ERI1: variants seen among roughly 807,000 people sequenced by gnomAD.
ERI1 encodes the protein 3'-5' exoribonuclease 1.
Under a neutral mutation model 39.7 loss-of-function variants are expected in ERI1, and 39 were observed. That is an observed-to-expected ratio of 0.98 (90% CI 0.76 to 1.28). ERI1 has a LOEUF of 1.28. Among genes scored for constraint, ERI1 ranks in the 50% most tolerant of loss-of-function variants. The pLI, the probability that ERI1 is intolerant of heterozygous loss-of-function variation, is 0.00. For synonymous variants in ERI1, 204 were observed against 149.6 expected, an observed-to-expected ratio of 1.36 and a Z score of -2.65; for missense variants, 581 against 416.9, an observed-to-expected ratio of 1.39 and a Z score of -3.43.
chr8:9,022,025 C>G (rs1317456496), intron 6 of ERI1, among the ~76,000 whole-genome samples: 1 of 151,734 alleles, frequency 6.6e-6, no homozygotes, highest in African/African-American at 2.4e-5. Context: ...AGTGCAGTTG[C>G]TGGGTCATGG....
intron 3 of ERI1, among the ~76,000 whole-genome samples, chr8:9,092,070 C>T (rs746730785): frequency 5.9e-5 from 9 of 152,164 alleles, no homozygotes; most frequent in Non-Finnish European, 1.2e-4. Flanking sequence ...GATCCTCCTA[C>T]CTCAGCCTCC....
Position 9,080,389 on chromosome 8 carries a change from G to A in ERI1, n.300-35959G>A, listed in dbSNP as rs189249707. ...GTCCTGACAGGATGGCTTGTGATGA[G>A]TCTGCCCTCTGAGTGACAGTGACAT... On this transcript the variant is annotated intron_variant and non_coding_transcript_variant, in intron 3 of 3. Transcript: ENST00000518663. Among the ~76,000 whole-genome samples the A allele has an allele frequency of 7.9e-5, 12 of 152,326 alleles. No homozygotes were observed. The East Asian group carries it at 1.9e-3, about 24-fold the overall frequency.
intron 6 of ERI1, among the ~76,000 whole-genome samples, chr8:9,025,422 G>T (rs1470542748): frequency 2.0e-5 from 3 of 152,242 alleles, no homozygotes; most frequent in Non-Finnish European, 4.4e-5. Flanking sequence ...GCTGATTCAT[G>T]TGATGAAAAA....
At chr8:9,040,348 C>A (rs1017550672) in intron 3 of ERI1, among the ~76,000 whole-genome samples, 2 of 152,306 alleles carry the variant, frequency 1.3e-5, no homozygotes, top group South Asian at 4.1e-4. Context: ...TCACAAAGCC[C>A]TAAGGCCTTA....
At position 9,054,304 on chromosome 8, in the gene ERI1, G is replaced by A. The variant is rs559548417; in HGVS notation, n.299+33840G>A. ...AATACATCAGTTATGTACCCACTTCGTCCTATTCGGCTGCACTTTTTTGTA... is the reference window on the plus strand; with the variant it reads ...AATACATCAGTTATGTACCCACTTCATCCTATTCGGCTGCACTTTTTTGTA... On this transcript the variant is annotated intron_variant and non_coding_transcript_variant, in intron 3 of 3. Coordinates refer to the ERI1 transcript ENST00000518663. 9.9e-5 allele frequency among the ~76,000 whole-genome samples: 15 copies of A among 152,264 alleles called. No individual in the cohort carries two copies. In the South Asian group the frequency reaches 1.9e-3, roughly 19 times the overall value.
chr8:9,083,049 T>C (rs935867404), intron 3 of ERI1, among the ~76,000 whole-genome samples: 5 of 152,234 alleles, frequency 3.3e-5, no homozygotes, highest in African/African-American at 1.2e-4. Context: ...TAAAAAAATG[T>C]ATTTGCTATT....
At chr8:9,088,218 C>T (rs17703426) in intron 3 of ERI1, among the ~76,000 whole-genome samples, 16,463 of 151,492 alleles carry the variant, frequency 0.11, 1,192 homozygotes, top group Non-Finnish European at 0.15. Context: ...CTCTTCTCTG[C>T]ATTTAACACC....
chr8:9,083,849 A>G (rs1799442333), intron 3 of ERI1, among the ~76,000 whole-genome samples: 1 of 151,640 alleles, frequency 6.6e-6, no homozygotes, highest in Non-Finnish European at 1.5e-5. Context: ...GCTGGAGTGC[A>G]GTGGTGTGAT....
chr8:9,052,447 G>A (rs570970950), intron 3 of ERI1, among the ~76,000 whole-genome samples: 6 of 152,004 alleles, frequency 3.9e-5, no homozygotes, highest in Admixed American at 2.6e-4. Flanking sequence ...GGTTGAACTC[G>A]CCTAGAGCAC....
chr8:9,025,992 C>CT (rs1475966838), intron 6 of ERI1, among the ~76,000 whole-genome samples: 2 of 152,150 alleles, frequency 1.3e-5, no homozygotes, highest in African/African-American at 4.8e-5. Flanking sequence ...AGAACTGTCA[C>CT]TGTCTCAGCC....
intron 3 of ERI1, among the ~76,000 whole-genome samples, chr8:9,079,239 A>AG (rs1799300045): frequency 6.6e-6 from 1 of 152,130 alleles, no homozygotes; most frequent in Admixed American, 6.5e-5. Flanking sequence ...ATGGGGAGGA[A>AG]TAGCAGATGT....
intron 3 of ERI1, among the ~76,000 whole-genome samples, chr8:9,086,511 C>T (rs952281265): frequency 1.2e-4 from 18 of 152,172 alleles, no homozygotes; most frequent in South Asian, 4.1e-4. Context: ...GATCACGCCA[C>T]GTCACTCCAG....
intron 3 of ERI1, among the ~76,000 whole-genome samples, chr8:9,052,408 A>G (rs776553073): frequency 6.6e-5 from 10 of 152,278 alleles, no homozygotes; most frequent in Admixed American, 1.3e-4. Context: ...CTAGTTTGAG[A>G]ACAGTCACCT....
intron 3 of ERI1, among the ~76,000 whole-genome samples, chr8:9,099,561 A>G (rs1347838368): frequency 1.3e-5 from 2 of 150,758 alleles, no homozygotes; most frequent in Non-Finnish European, 3.0e-5. Context: ...TATCATTGCA[A>G]TCCAGCCTGG....
chr8:9,031,857 A>C lies in ERI1; in HGVS notation c.*1823A>C, dbSNP rs947608483. On this transcript the variant is annotated 3_prime_UTR_variant, in exon 7 of 7. Coordinates refer to ENST00000250263, the MANE Select transcript of ERI1 (RefSeq NM_153332.4). ...ACTGCAACCTCCGCCTCCTGGGCTC[A>C]GGTGATCCTCTTGCCTCAGCCTCCT... 1 of 152,276 alleles carries C rather than the reference A, an allele frequency of 6.6e-6. No individual in the cohort carries two copies. The highest frequency in any genetic ancestry group is 2.4e-5 in the African/African-American group (1 of 41,454). The allele number at this position is 152,276 out of a possible 1,614,324, so 9.4% of individuals were successfully genotyped here.
At chr8:9,010,352 C>G (rs1816532294) in intron 2 of ERI1, among the ~76,000 whole-genome samples, 2 of 152,140 alleles carry the variant, frequency 1.3e-5, no homozygotes, top group African/African-American at 4.8e-5. Context: ...TAATCCAAAG[C>G]TGTCACATGA....
At chr8:9,018,145 A>C (rs1039583123) in intron 4 of ERI1, 152 bp from the exon 5 acceptor site, 3 of 516,204 alleles carry the variant, frequency 5.8e-6, no homozygotes, top group African/African-American at 5.7e-5. Context: ...TAAAAATGAA[A>C]CTTTAGGTGG....
rs1430507951 is a variant in ERI1 at position 9,030,534 on chromosome 8, G to A, written c.*500G>A. ...TTTATATGTGAAGTTCACCATGTAT[G>A]TGGTGAATTTCGTAAGGTACTTGGT... On this transcript the variant is annotated 3_prime_UTR_variant, in exon 7 of 7. Transcript: ENST00000250263. The A allele has an allele frequency of 6.3e-6, 1 of 158,054 alleles. No homozygotes were observed. Among genetic ancestry groups the A allele is most frequent in the African/African-American group, 2.4e-5 (1 of 41,448 alleles). The allele number at this position is 158,054 out of a possible 1,614,324, so 9.8% of individuals were successfully genotyped here. A position where few individuals can be genotyped will look rare whatever the true frequency, so the allele number is the denominator to read the frequency against.
intron 3 of ERI1, among the ~76,000 whole-genome samples, chr8:9,097,636 T>C (rs1482481380): frequency 7.1e-6 from 1 of 139,974 alleles, no homozygotes; most frequent in East Asian, 2.0e-4. Flanking sequence ...GCCACTGCAC[T>C]CCAGCCTAGG....
Sources: allele counts gnomAD v4.1 joint callset (sites outside exome capture counted in the v4.1 genomes callset), GRCh38; gene constraint gnomAD v4.1.1; transcripts MANE v1.5; gene names NCBI Gene and HGNC (gene_info 2026-07-23, HGNC 2026-07-21).